Variants in SNX29 observed in about 807,000 individuals in gnomAD.
SNX29 encodes the protein sorting nexin 29, also known as sorting nexin-29.
A neutral mutation model predicts 102.1 loss-of-function variants in SNX29; 78 were observed. That is an observed-to-expected ratio of 0.76 (90% confidence interval 0.64 to 0.92). SNX29 has a LOEUF of 0.92. Among genes scored for constraint, SNX29 ranks in the 40% least tolerant of loss-of-function variants. SNX29 has a pLI of 0.00. For missense variants in SNX29, 1,280 were observed against 1,061.7 expected (o/e 1.21, Z -2.86); for synonymous variants, 580 against 414.5 (o/e 1.40, Z -4.85).
chr16:12,277,782 T>A, intron 14 of SNX29, 151 bp from the exon 15 acceptor site: 1 of 616,396 alleles, frequency 1.6e-6, no homozygotes, highest in Non-Finnish European at 2.8e-6. Flanking sequence ...TGTCCCATTG[T>A]TGAAGTAGTT....
Position 12,361,638 on chromosome 16 carries a change from C to T in SNX29, c.1899+5359C>T, listed in dbSNP as rs556085943. ...CAGCATCCCACACTGAGAAGTGGCACTTCTGGATCTGACTTAAAAAATTAA... is the reference window on the plus strand; with the variant it reads ...CAGCATCCCACACTGAGAAGTGGCATTTCTGGATCTGACTTAAAAAATTAA... On this transcript the variant is annotated intron_variant, in intron 16 of 20. Transcript: ENST00000566228. Among the ~76,000 whole-genome samples, 125 of 152,220 alleles carry T rather than the reference C, an allele frequency of 8.2e-4. 1 individual carries two copies. The highest frequency in any genetic ancestry group is 2.8e-3 in the African/African-American group (115 of 41,546).
chr16:12,551,314 C>G (rs867273432), intron 20 of SNX29, among the ~76,000 whole-genome samples: 4 of 152,204 alleles, frequency 2.6e-5, no homozygotes, highest in Admixed American at 2.0e-4. Flanking sequence ...CAAAAAGCCA[C>G]TTGTAACCTC....
At chr16:12,035,358 C>A (rs1352504531) in intron 4 of SNX29, among the ~76,000 whole-genome samples, 2 of 152,090 alleles carry the variant, frequency 1.3e-5, no homozygotes, top group Non-Finnish European at 2.9e-5. Context: ...ACTGCACATG[C>A]ACGCCACCAT....
At chr16:12,315,133 T>C (rs984306074) in intron 15 of SNX29, among the ~76,000 whole-genome samples, 32 of 152,310 alleles carry the variant, frequency 2.1e-4, no homozygotes, top group African/African-American at 7.5e-4. Flanking sequence ...TCTCCTTTTG[T>C]CTCAGGGGAA....
intron 17 of SNX29, 133 bp downstream of exon 17, chr16:12,398,634 G>GAGCT (rs1327025390): frequency 8.3e-6 from 8 of 969,508 alleles, no homozygotes; most frequent in Non-Finnish European, 1.1e-5. Context: ...GGTTCTTGTA[G>GAGCT]AGCTGGTAGG....
At chr16:12,182,836 A>T (rs968973182) in intron 13 of SNX29, among the ~76,000 whole-genome samples, 2 of 147,572 alleles carry the variant, frequency 1.4e-5, no homozygotes, top group Admixed American at 6.8e-5. Flanking sequence ...CAGAAGGCTG[A>T]GGCAGGAGAC....
intron 18 of SNX29, among the ~76,000 whole-genome samples, chr16:12,435,159 C>T (rs1042897245): frequency 2.6e-5 from 4 of 152,162 alleles, no homozygotes; most frequent in African/African-American, 9.7e-5. Flanking sequence ...ACCCTGCTGC[C>T]CTCTGCCTCT....
intron 15 of SNX29, among the ~76,000 whole-genome samples, chr16:12,283,978 C>G (rs903890807): frequency 2.0e-5 from 3 of 152,218 alleles, no homozygotes; most frequent in Non-Finnish European, 4.4e-5. Context: ...GACACCAGAA[C>G]AGAAACAACC....
At chr16:12,550,860 T>C (rs139426323) in intron 20 of SNX29, among the ~76,000 whole-genome samples, 90 of 152,344 alleles carry the variant, frequency 5.9e-4, no homozygotes, top group African/African-American at 1.9e-3. Context: ...ATTTTCATGA[T>C]AGACTTTCTG....
chr16:12,041,745 G>A (rs577861490), intron 4 of SNX29, among the ~76,000 whole-genome samples: 1 of 152,126 alleles, frequency 6.6e-6, no homozygotes, highest in Non-Finnish European at 1.5e-5. Flanking sequence ...CGTCAGCCTC[G>A]CAGGGATTAT....
intron 16 of SNX29, among the ~76,000 whole-genome samples, chr16:12,369,222 G>C (rs556157577): frequency 2.0e-5 from 3 of 151,062 alleles, no homozygotes; most frequent in Non-Finnish European, 4.4e-5. Flanking sequence ...TACAACCTCC[G>C]CCTCCTAGGT....
chr16:12,540,151 A>G (rs556420783), intron 20 of SNX29, among the ~76,000 whole-genome samples: 1 of 152,276 alleles, frequency 6.6e-6, no homozygotes, highest in African/African-American at 2.4e-5. Flanking sequence ...ATAGCTTTAC[A>G]TTTTAGATCT....
chr16:12,562,147 CCAGGTCTGTGGAGTAAGATT>C (rs1209309919), intron 20 of SNX29, among the ~76,000 whole-genome samples: 2 of 152,138 alleles, frequency 1.3e-5, no homozygotes, highest in Non-Finnish European at 2.9e-5. Flanking sequence ...TCTGGCAATA[CCAGGTCTGTGGAGTAAGATT>C]GAGGTCTGAC....
At chr16:12,041,738 C>T (rs1280964521) in intron 4 of SNX29, among the ~76,000 whole-genome samples, 1 of 152,218 alleles carries the variant, frequency 6.6e-6, no homozygotes, top group Non-Finnish European at 1.5e-5. Flanking sequence ...GTGATTACGT[C>T]AGCCTCGCAG....
intron 14 of SNX29, among the ~76,000 whole-genome samples, chr16:12,236,000 C>T (rs563456700): frequency 9.2e-5 from 14 of 152,196 alleles, no homozygotes; most frequent in African/African-American, 2.2e-4. Flanking sequence ...GGGTAGGGGA[C>T]GGAATAAATG....
chr16:12,536,932 C>G (rs970381328), intron 20 of SNX29, among the ~76,000 whole-genome samples: 2 of 152,094 alleles, frequency 1.3e-5, no homozygotes, highest in Admixed American at 6.6e-5. Context: ...GCCGAGATCA[C>G]AGCACTGCAC....
rs547783006 is a variant in SNX29, at chr16:12,125,710, G to T, written c.1403-923G>T. ...TGGGCTCAAATGAACTCCTACCTTG[G>T]TCTCCCACAGTGTTGGGACTGCAAG... is the stretch of plus-strand genomic sequence containing the variant. On this transcript the variant is annotated intron_variant, in intron 11 of 20. Coordinates refer to ENST00000566228, the MANE Select transcript of SNX29 (RefSeq NM_032167.5). 9.4e-5 allele frequency among the ~76,000 whole-genome samples: 13 copies of T among 138,436 alleles called. No homozygotes were observed. The East Asian group carries it at 2.9e-3, about 31-fold the overall frequency. The allele number at this position is 138,436 out of a possible 152,430, so 90.8% of individuals were successfully genotyped here.
intron 14 of SNX29, among the ~76,000 whole-genome samples, chr16:12,234,054 A>G (rs959321177): frequency 2.6e-5 from 4 of 152,180 alleles, no homozygotes. Context: ...ATAATGTTGC[A>G]ATGAACATTC....
intron 20 of SNX29, chr16:12,545,673 C>G (rs1210554764): frequency 6.6e-6 from 1 of 152,214 alleles, no homozygotes; most frequent in African/African-American, 2.4e-5. Flanking sequence ...AGCTTCTAGG[C>G]TCCAGGTTAA....
Sources: allele counts gnomAD v4.1 joint callset (sites outside exome capture counted in the v4.1 genomes callset), GRCh38; gene constraint gnomAD v4.1.1; transcripts MANE v1.5; gene names NCBI Gene and HGNC (gene_info 2026-07-23, HGNC 2026-07-21).